CAMK1D: variants seen among roughly 807,000 people sequenced by gnomAD.
The protein encoded by CAMK1D is calcium/calmodulin dependent protein kinase ID, also known as calcium/calmodulin-dependent protein kinase type 1D.
CAMK1D carries 9 observed loss-of-function variants against 47.7 expected under a neutral mutation model. The observed-to-expected ratio is 0.19, with a 90% CI of 0.11 to 0.33. The LOEUF is 0.33. CAMK1D is among the 10% of genes least tolerant of loss of function. The pLI is 1.00. For missense variants in CAMK1D, 291 were observed against 488.7 expected (o/e 0.60, Z 3.81); for synonymous variants, 184 against 184.9 (o/e 0.99, Z 0.04).
chr10:12,633,529 C>T (rs535953059), intron 2 of CAMK1D, among the ~76,000 whole-genome samples: 8 of 152,210 alleles, frequency 5.3e-5, no homozygotes, highest in South Asian at 2.1e-4. Context: ...TACTCGGTTC[C>T]GAGGGCTCCG....
intron 1 of CAMK1D, among the ~76,000 whole-genome samples, chr10:12,411,842 C>T (rs574834792): frequency 3.9e-5 from 6 of 152,204 alleles, no homozygotes; most frequent in Non-Finnish European, 8.8e-5. Context: ...GATCCGCCCG[C>T]CTCAGCCTCC....
At chr10:12,649,151 G>T (rs1839892318) in intron 2 of CAMK1D, among the ~76,000 whole-genome samples, 1 of 152,234 alleles carries the variant, frequency 6.6e-6, no homozygotes, top group South Asian at 2.1e-4. Context: ...ACAGGCACGT[G>T]CTCCCACACC....
intron 1 of CAMK1D, among the ~76,000 whole-genome samples, chr10:12,362,790 GCC>G (rs1837713885): frequency 6.6e-6 from 1 of 151,926 alleles, no homozygotes; most frequent in African/African-American, 2.4e-5. Context: ...GATTACAGGC[GCC>G]TGCCACCACG....
In CAMK1D at chr10:12,829,474, C is replaced by T. The variant is rs932191895; in HGVS notation, c.*587C>T. ...ATCAGCCGGGTGCAATGACTCATGCCTGTAATCCCAGCACGTTGGGAGGCC... is the reference window on the plus strand; with the variant it reads ...ATCAGCCGGGTGCAATGACTCATGCTTGTAATCCCAGCACGTTGGGAGGCC... On this transcript the variant is annotated 3_prime_UTR_variant, in exon 11 of 11. Coordinates refer to ENST00000619168, the MANE Select transcript of CAMK1D (RefSeq NM_153498.4). 5 of 152,232 alleles carry T rather than the reference C, an allele frequency of 3.3e-5. No individual in the cohort carries two copies. The highest frequency in any genetic ancestry group is 1.2e-4 in the African/African-American group (5 of 41,434). 9.4% of individuals were successfully genotyped at this position (152,232 alleles called of 1,614,324 possible).
chr10:12,791,125 G>A (rs1388056875), intron 5 of CAMK1D, 33 bp from the exon 6 acceptor site: 3 of 1,607,524 alleles, frequency 1.9e-6, no homozygotes, highest in Non-Finnish European at 2.6e-6. Context: ...CATGTAAATT[G>A]TCAGGCTGTG....
At chr10:12,797,564 C>A (rs1176806445) in intron 6 of CAMK1D, among the ~76,000 whole-genome samples, 2 of 152,192 alleles carry the variant, frequency 1.3e-5, no homozygotes, top group Non-Finnish European at 1.5e-5. Context: ...CAGCCACCAG[C>A]CACCCACCAT....
chr10:12,718,614 G>A (rs531944616), intron 3 of CAMK1D, among the ~76,000 whole-genome samples: 45 of 152,248 alleles, frequency 3.0e-4, no homozygotes, highest in African/African-American at 1.0e-3. Context: ...TCAGAGTTTC[G>A]AGCTGAAGTT....
chr10:12,552,037 T>G (rs1413896511), intron 1 of CAMK1D, among the ~76,000 whole-genome samples: 3 of 152,166 alleles, frequency 2.0e-5, no homozygotes, highest in Non-Finnish European at 2.9e-5. Context: ...GAGCCCAAGT[T>G]GCTGGGATCT....
chr10:12,536,710 C>T (rs1179132186), intron 1 of CAMK1D, among the ~76,000 whole-genome samples: 2 of 152,124 alleles, frequency 1.3e-5, no homozygotes, highest in Admixed American at 6.5e-5. Context: ...AACAATGTAG[C>T]GGTTAGTGTT....
At chr10:12,698,939 G>A (rs1460988425) in intron 3 of CAMK1D, among the ~76,000 whole-genome samples, 1 of 151,990 alleles carries the variant, frequency 6.6e-6, no homozygotes, top group Non-Finnish European at 1.5e-5. Context: ...CCAAAATGCT[G>A]GGATTACAGG....
chr10:12,609,142 C>T (rs576402251), intron 2 of CAMK1D, among the ~76,000 whole-genome samples: 10 of 152,316 alleles, frequency 6.6e-5, no homozygotes, highest in Non-Finnish European at 1.0e-4. Flanking sequence ...TTACCCAGAC[C>T]GTGTGGGTCA....
At chr10:12,751,262 TTTA>T (rs373643025) in intron 3 of CAMK1D, among the ~76,000 whole-genome samples, 1,602 of 152,244 alleles carry the variant, frequency 0.011, 11 homozygotes, top group Non-Finnish European at 0.015. Context: ...TATTTATTTG[TTTA>T]TTATTCTAGA....
At chr10:12,389,642 C>T (rs1476578613) in intron 1 of CAMK1D, among the ~76,000 whole-genome samples, 1 of 152,078 alleles carries the variant, frequency 6.6e-6, no homozygotes, top group Non-Finnish European at 1.5e-5. Context: ...AGTAACGTGC[C>T]CTTTCCTGGT....
intron 1 of CAMK1D, among the ~76,000 whole-genome samples, chr10:12,551,651 T>C (rs535358889): frequency 6.6e-6 from 1 of 152,086 alleles, no homozygotes; most frequent in South Asian, 2.1e-4. Flanking sequence ...GTCAGGAGAA[T>C]CGCTTGAACC....
chr10:12,365,186 C>CCTCA (rs902389719), intron 1 of CAMK1D, among the ~76,000 whole-genome samples: 9 of 151,996 alleles, frequency 5.9e-5, no homozygotes, highest in African/African-American at 2.2e-4. Flanking sequence ...GAATTCCTGA[C>CCTCA]CTCAAATGAT....
intron 1 of CAMK1D, among the ~76,000 whole-genome samples, chr10:12,543,193 A>G (rs990505767): frequency 2.6e-5 from 4 of 152,048 alleles, no homozygotes; most frequent in Non-Finnish European, 5.9e-5. Context: ...GATTATAGGC[A>G]CCCACCACCA....
chr10:12,386,143 G>A (rs948373873), intron 1 of CAMK1D, among the ~76,000 whole-genome samples: 1 of 152,192 alleles, frequency 6.6e-6, no homozygotes, highest in African/African-American at 2.4e-5. Flanking sequence ...TATGGCAACT[G>A]AAAGCTCAAA....
intron 1 of CAMK1D, among the ~76,000 whole-genome samples, chr10:12,358,196 G>T (rs1449753162): frequency 6.6e-6 from 1 of 152,094 alleles, no homozygotes; most frequent in African/African-American, 2.4e-5. Flanking sequence ...CTACACCCCA[G>T]CCTGGGTGAC....
chr10:12,752,899 TTGTCA>T (rs1836054228), intron 3 of CAMK1D, among the ~76,000 whole-genome samples: 1 of 152,230 alleles, frequency 6.6e-6, no homozygotes, highest in South Asian at 2.1e-4. Flanking sequence ...TCTCTTCCAC[TTGTCA>T]TGTACTCAAG....
Sources: allele counts gnomAD v4.1 joint callset (sites outside exome capture counted in the v4.1 genomes callset), GRCh38; gene constraint gnomAD v4.1.1; transcripts MANE v1.5; gene names NCBI Gene and HGNC (gene_info 2026-07-23, HGNC 2026-07-21).